The following DYNC2I1 variants were observed in gnomAD, a reference collection of about 807,000 sequenced individuals.
DYNC2I1 encodes cytoplasmic dynein 2 intermediate chain 1.
Under a neutral mutation model 133.4 loss-of-function variants are expected in DYNC2I1, and 89 were observed. The observed-to-expected ratio is 0.67, with a 90% CI of 0.56 to 0.80. DYNC2I1 has a LOEUF of 0.80. Ranked by LOEUF, DYNC2I1 falls within the 30% of genes least tolerant of loss-of-function variation. DYNC2I1 has a pLI of 0.00. For missense variants in DYNC2I1, 1,291 were observed against 1,314.5 expected (o/e 0.98, Z 0.28); for synonymous variants, 504 against 484.3 (o/e 1.04, Z -0.54).
At chr7:158,911,326 G>A (rs543958927) in intron 11 of DYNC2I1, among the ~76,000 whole-genome samples, 1 of 152,258 alleles carries the variant, frequency 6.6e-6, no homozygotes, top group South Asian at 2.1e-4. Flanking sequence ...CGAGGCAGTC[G>A]GGGAGCAGAA....
intron 10 of DYNC2I1, chr7:158,902,871 C>G (rs1298334668): frequency 4.9e-6 from 2 of 411,902 alleles, no homozygotes; most frequent in African/African-American, 4.0e-5. Context: ...CGTGGCCCCA[C>G]TCAGTGAGCA....
chr7:158,916,089 T>A (rs534852892), intron 14 of DYNC2I1, among the ~76,000 whole-genome samples: 5 of 80,916 alleles, frequency 6.2e-5, no homozygotes, highest in Middle Eastern at 5.6e-3. Context: ...AGATTAAGGA[T>A]TGTGAAACGT....
At chr7:158,931,055 C>T (rs1850170152) in intron 21 of DYNC2I1, among the ~76,000 whole-genome samples, 1 of 152,166 alleles carries the variant, frequency 6.6e-6, no homozygotes, top group Non-Finnish European at 1.5e-5. Context: ...AGGTTATTTT[C>T]TTTTAAATTG....
At chr7:158,897,278 T>G (rs917949018) in intron 8 of DYNC2I1, among the ~76,000 whole-genome samples, 1 of 152,164 alleles carries the variant, frequency 6.6e-6, no homozygotes, top group Non-Finnish European at 1.5e-5. Context: ...GTATTACAGG[T>G]GTGAGCTACC....
Position 158,906,098 on chromosome 7 carries a change from G to T in DYNC2I1, c.1460+7G>T, listed in dbSNP as rs1273149968. 4 of 1,611,370 alleles carry T rather than the reference G, an allele frequency of 2.5e-6. No individual in the cohort carries two copies. In the Admixed American group the frequency reaches 6.7e-5, roughly 27 times the overall value. On this transcript the variant is annotated splice_region_variant and intron_variant, in intron 11 of 24. Transcript: ENST00000407559. ...CTCAGGCCCTTAAGCAAAAGTAGGT[G>T]TATTGGGAAAGCAGCCAAAGGTGTT...
downstream of DYNC2I1, among the ~76,000 whole-genome samples, chr7:158,946,768 T>A (rs1318044443): frequency 6.6e-6 from 1 of 152,224 alleles, no homozygotes; most frequent in African/African-American, 2.4e-5. Context: ...CACCCATCCC[T>A]CTGTCCCATC....
chr7:158,905,773 A>G (rs1846738385), intron 10 of DYNC2I1, among the ~76,000 whole-genome samples: 1 of 152,222 alleles, frequency 6.6e-6, no homozygotes. Context: ...GGCACATACA[A>G]TAGATGATCA....
the DYNC2I1 span, among the ~76,000 whole-genome samples, chr7:158,850,176 G>A: frequency 6.6e-6 from 1 of 152,174 alleles, no homozygotes; most frequent in Admixed American, 6.5e-5. Context: ...GAGACACCTG[G>A]GTCCTGCACC....
chr7:158,928,548 G>A (rs1849855711), intron 20 of DYNC2I1, among the ~76,000 whole-genome samples: 1 of 152,158 alleles, frequency 6.6e-6, no homozygotes, highest in South Asian at 2.1e-4. Context: ...CAGTCGTGGT[G>A]CTCATTTCAC....
chr7:158,884,529 A>G lies in DYNC2I1; in HGVS notation c.880-35A>G, dbSNP rs761816243. The G allele has an allele frequency of 6.9e-6, 11 of 1,595,524 alleles. No individual in the cohort carries two copies. In the South Asian group the frequency reaches 1.3e-4, roughly 18 times the overall value. On this transcript the variant is annotated intron_variant, in intron 5 of 24. Coordinates refer to ENST00000407559, the MANE Select transcript of DYNC2I1 (RefSeq NM_018051.5). Reference sequence around the variant, plus strand: ...ATGCTTACTTCATTCCGATATGCTAATAAATGGTTATGGGATTATATTTTT... The same window carrying G: ...ATGCTTACTTCATTCCGATATGCTAGTAAATGGTTATGGGATTATATTTTT...
rs567744632 is a variant in DYNC2I1, at chr7:158,861,389, G to A, written c.15+4639G>A. Among the ~76,000 whole-genome samples, 3 of 152,210 alleles carry A rather than the reference G, an allele frequency of 2.0e-5. No individual in the cohort carries two copies. The South Asian group carries it at 6.2e-4, about 32-fold the overall frequency. ...TTTTTCACTTGAGCTCCCCTAGCCCGGGTTCTCCCCTAAAACACTCCCTCA... is the reference window on the plus strand; with the variant it reads ...TTTTTCACTTGAGCTCCCCTAGCCCAGGTTCTCCCCTAAAACACTCCCTCA... On this transcript the variant is annotated intron_variant, in intron 1 of 24. Transcript: ENST00000407559.
chr7:158,948,559 C>T (rs190703384), downstream of DYNC2I1, among the ~76,000 whole-genome samples: 4 of 143,558 alleles, frequency 2.8e-5, no homozygotes, highest in East Asian at 6.3e-4. Flanking sequence ...CCCCCGGGTG[C>T]TTCGGACACG....
At chr7:158,888,680 G>C (rs967730771) in intron 7 of DYNC2I1, among the ~76,000 whole-genome samples, 1 of 151,630 alleles carries the variant, frequency 6.6e-6, no homozygotes, top group Non-Finnish European at 1.5e-5. Flanking sequence ...ATGTTGGCCA[G>C]GCTGATCTTG....
At chr7:158,888,954 A>G (rs1349668581) in intron 7 of DYNC2I1, among the ~76,000 whole-genome samples, 1 of 152,136 alleles carries the variant, frequency 6.6e-6, no homozygotes, top group Non-Finnish European at 1.5e-5. Flanking sequence ...AAAAATACCT[A>G]CAAATATTTC....
chr7:158,941,823 G>A lies in DYNC2I1; in HGVS notation c.2779-102G>A. ...AGCCCGGGAGGTCAAGCTGCCATGA[G>A]CTGTGATTGCACCACTGCACTCCAG... On this transcript the variant is annotated intron_variant, in intron 23 of 24. Transcript: ENST00000407559. 2.2e-6 allele frequency: 3 copies of A among 1,363,260 alleles called. 1 individual carries two copies. The highest frequency in any genetic ancestry group is 2.6e-5 in the South Asian group (2 of 77,862). 84.4% of individuals were successfully genotyped at this position (1,363,260 alleles called of 1,614,324 possible). A position where few individuals can be genotyped will look rare whatever the true frequency, so the allele number is the denominator to read the frequency against.
At position 158,879,986 on chromosome 7, in the gene DYNC2I1, C is replaced by T. The variant is rs757328480; in HGVS notation, c.876C>T (p.Ser292=). The T allele has an allele frequency of 1.0e-4, 166 of 1,587,964 alleles. 1 individual carries two copies. In the South Asian group the frequency reaches 1.2e-3, roughly 11 times the overall value. The part of the protein sequence containing the change: ...SAKDEPRKRE[S]QNGEHRNRGA... ...AAGATGAGCCCAGGAAAAGGGAATC[C>T]CAGGTACCCCTTCTGATGCTTCGTT... is the stretch of plus-strand genomic sequence containing the variant. Residue 292 remains serine (S), a synonymous_variant, in exon 5 of 25, where the codon TCC becomes TCT. Transcript: ENST00000407559.
the DYNC2I1 span, among the ~76,000 whole-genome samples, chr7:158,843,211 C>CA: frequency 1.3e-5 from 2 of 152,158 alleles, no homozygotes; most frequent in Non-Finnish European, 2.9e-5. Context: ...TCTCCCACCT[C>CA]AAACTCCTGG....
chr7:158,841,018 C>T, the DYNC2I1 span, among the ~76,000 whole-genome samples: 1 of 151,940 alleles, frequency 6.6e-6, no homozygotes, highest in Non-Finnish European at 1.5e-5. Context: ...GTGACTTACA[C>T]TTTAAATTTT....
chr7:158,919,355 A>G lies in DYNC2I1; in HGVS notation c.1921+486A>G, dbSNP rs537860263. The stretch of plus-strand genomic sequence containing the variant: ...GTCAATCCGTGGTTATGGAACATAA[A>G]ACGGGAAGCAAAGCCCAGGATCTCA... On this transcript the variant is annotated intron_variant, in intron 15 of 24. Coordinates refer to ENST00000407559, the MANE Select transcript of DYNC2I1 (RefSeq NM_018051.5). Among the ~76,000 whole-genome samples the G allele has an allele frequency of 4.6e-5, 7 of 152,372 alleles. No homozygotes were observed. The South Asian group carries it at 1.2e-3, about 27-fold the overall frequency.
Sources: allele counts gnomAD v4.1 joint callset (sites outside exome capture counted in the v4.1 genomes callset), GRCh38; gene constraint gnomAD v4.1.1; transcripts MANE v1.5; gene names NCBI Gene and HGNC (gene_info 2026-07-23, HGNC 2026-07-21).